Variants in CRADD observed in about 807,000 individuals in gnomAD.
CRADD encodes death domain-containing protein CRADD.
Under a neutral mutation model 15.5 loss-of-function variants are expected in CRADD, and 9 were observed. The ratio of observed to expected loss-of-function variants is 0.58; its 90% CI spans 0.35 to 1.01. The LOEUF is 1.01. Ranked by LOEUF, CRADD falls within the 50% of genes least tolerant of loss-of-function variation. The pLI is 0.02. For missense variants in CRADD, 227 were observed against 250.3 expected (o/e 0.91, Z 0.63); for synonymous variants, 118 against 107.6 (o/e 1.10, Z -0.60).
chr12:93,765,452 G>A (rs762267672), intron 2 of CRADD, among the ~76,000 whole-genome samples: 5 of 152,176 alleles, frequency 3.3e-5, no homozygotes, highest in Non-Finnish European at 7.3e-5. Context: ...TTCACAAAGT[G>A]TACCTGAGGT....
At chr12:93,818,359 C>T (rs1221748179) in intron 2 of CRADD, among the ~76,000 whole-genome samples, 1 of 152,158 alleles carries the variant, frequency 6.6e-6, no homozygotes, top group Non-Finnish European at 1.5e-5. Flanking sequence ...TCCTTCACAC[C>T]TCCCCACTCC....
chr12:93,776,472 G>T (rs116314329), intron 2 of CRADD, among the ~76,000 whole-genome samples: 1 of 152,122 alleles, frequency 6.6e-6, no homozygotes, highest in Non-Finnish European at 1.5e-5. Flanking sequence ...CATTGTATCC[G>T]CAGGGTATGT....
chr12:93,827,047 A>C (rs1015218543), intron 2 of CRADD, among the ~76,000 whole-genome samples: 5 of 152,254 alleles, frequency 3.3e-5, no homozygotes, highest in South Asian at 2.1e-4. Context: ...AAATAAACCC[A>C]AAAAAACCCC....
chr12:93,835,411 C>T (rs965755418), intron 2 of CRADD, among the ~76,000 whole-genome samples: 15 of 152,194 alleles, frequency 9.9e-5, no homozygotes, highest in Middle Eastern at 6.8e-3. Context: ...AACCAGGGTA[C>T]ATGTTTCAGT....
intron 2 of CRADD, among the ~76,000 whole-genome samples, chr12:93,796,940 C>G (rs1957425241): frequency 6.6e-6 from 1 of 152,196 alleles, no homozygotes; most frequent in African/African-American, 2.4e-5. Flanking sequence ...ACCACCTCTG[C>G]TGCTTTCACT....
intron 2 of CRADD, among the ~76,000 whole-genome samples, chr12:93,859,907 T>C (rs1356474102): frequency 1.3e-5 from 2 of 150,892 alleles, no homozygotes; most frequent in African/African-American, 2.4e-5. Context: ...TTTTTTTTTT[T>C]TATATAGAGA....
chr12:93,886,375 G>A (rs1958537614), intron 2 of CRADD, among the ~76,000 whole-genome samples: 1 of 149,012 alleles, frequency 6.7e-6, no homozygotes, highest in Non-Finnish European at 1.5e-5. Flanking sequence ...TGCCCAGGCT[G>A]GTCTCAAACT....
intron 2 of CRADD, among the ~76,000 whole-genome samples, chr12:93,731,998 T>C (rs1280252466): frequency 3.3e-5 from 5 of 152,004 alleles, no homozygotes; most frequent in Non-Finnish European, 7.4e-5. Context: ...TAGCCAGGCA[T>C]GGTGATGGGT....
intron 2 of CRADD, among the ~76,000 whole-genome samples, chr12:93,771,822 T>A (rs1014597041): frequency 2.0e-5 from 3 of 152,244 alleles, no homozygotes; most frequent in African/African-American, 7.2e-5. Flanking sequence ...TGATCTTGAT[T>A]AAACCATATA....
intron 2 of CRADD, among the ~76,000 whole-genome samples, chr12:93,798,285 T>A (rs1196107018): frequency 6.6e-6 from 1 of 152,220 alleles, no homozygotes; most frequent in East Asian, 1.9e-4. Flanking sequence ...ATGAATGTTC[T>A]TGGGGACACT....
chr12:93,847,511 A>C (rs1281614303), intron 2 of CRADD, among the ~76,000 whole-genome samples: 1 of 148,048 alleles, frequency 6.8e-6, no homozygotes. Flanking sequence ...AAAAAAAAAA[A>C]AAAAAAAAAA....
chr12:93,718,155 G>C (rs1026198378), intron 2 of CRADD, among the ~76,000 whole-genome samples: 1 of 152,136 alleles, frequency 6.6e-6, no homozygotes, highest in Non-Finnish European at 1.5e-5. Flanking sequence ...GCTGTTCTGG[G>C]TCTTTTGCCT....
chr12:93,784,343 T>A (rs146279427), intron 2 of CRADD, among the ~76,000 whole-genome samples: 1 of 152,226 alleles, frequency 6.6e-6, no homozygotes, highest in Non-Finnish European at 1.5e-5. Flanking sequence ...GAATATCTAA[T>A]CATGTTTAAC....
At chr12:93,755,539 A>G (rs1175244612) in intron 2 of CRADD, among the ~76,000 whole-genome samples, 4 of 152,208 alleles carry the variant, frequency 2.6e-5, no homozygotes, top group Non-Finnish European at 5.9e-5. Flanking sequence ...AGGGCTCCCA[A>G]CATATGAATA....
intron 2 of CRADD, among the ~76,000 whole-genome samples, chr12:93,880,605 G>A (rs1478908717): frequency 6.6e-6 from 1 of 152,178 alleles, no homozygotes; most frequent in Non-Finnish European, 1.5e-5. Context: ...CACTTTTGAA[G>A]CATGTGAATA....
At chr12:93,678,662 T>C in intron 1 of CRADD, 107 bp from the exon 2 acceptor site, 2 of 1,172,680 alleles carry the variant, frequency 1.7e-6, no homozygotes, top group Non-Finnish European at 2.4e-6. Flanking sequence ...CAGTCTGCTA[T>C]GGTTTAAAGA....
chr12:93,838,371 C>G (rs983234412), intron 2 of CRADD, among the ~76,000 whole-genome samples: 3 of 151,828 alleles, frequency 2.0e-5, no homozygotes, highest in Non-Finnish European at 4.4e-5. Flanking sequence ...CCCCGCCCTA[C>G]CCCTGACCTC....
chr12:93,872,962 A>G (rs1039720333), intron 2 of CRADD, among the ~76,000 whole-genome samples: 1 of 152,004 alleles, frequency 6.6e-6, no homozygotes, highest in Non-Finnish European at 1.5e-5. Context: ...TGGTATTTTG[A>G]TAGAGTTTGC....
intron 2 of CRADD, among the ~76,000 whole-genome samples, chr12:93,754,613 C>T (rs887069061): frequency 6.6e-6 from 1 of 152,212 alleles, no homozygotes; most frequent in East Asian, 1.9e-4. Context: ...TTTGCTAAAG[C>T]ATAGCAAGAG....
Sources: allele counts gnomAD v4.1 joint callset (sites outside exome capture counted in the v4.1 genomes callset), GRCh38; gene constraint gnomAD v4.1.1; transcripts MANE v1.5; gene names NCBI Gene and HGNC (gene_info 2026-07-23, HGNC 2026-07-21).